RUBCN: variants seen among roughly 807,000 people sequenced by gnomAD.
RUBCN encodes the protein run domain Beclin-1-interacting and cysteine-rich domain-containing protein.
A neutral mutation model predicts 113.2 loss-of-function variants in RUBCN; 74 were observed. The observed-to-expected ratio is 0.65, with a 90% CI of 0.54 to 0.79. The LOEUF (loss-of-function observed/expected upper bound fraction) is 0.79. RUBCN is among the 30% of genes least tolerant of loss of function. The probability of loss-of-function intolerance (pLI) is 0.00; values close to 1 mark genes in which losing one functional copy is unlikely to be tolerated. For missense variants in RUBCN, 1,109 were observed against 1,251.7 expected, an observed-to-expected ratio of 0.89 and a Z score of 1.72; for synonymous variants, 480 against 490.0, an observed-to-expected ratio of 0.98 and a Z score of 0.27.
At chr3:197,695,453 T>C (rs112724377) in intron 9 of RUBCN, among the ~76,000 whole-genome samples, 1 of 152,080 alleles carries the variant, frequency 6.6e-6, no homozygotes, top group South Asian at 2.1e-4. Context: ...ATAAAAAAAA[T>C]AGCCAGGTGT....
At chr3:197,732,245 G>C (rs1560473784) in intron 1 of RUBCN, among the ~76,000 whole-genome samples, 1 of 152,210 alleles carries the variant, frequency 6.6e-6, no homozygotes. Flanking sequence ...ACAGTACACT[G>C]CATGGCCAAG....
At position 197,674,897 on chromosome 3, in the gene RUBCN, AT is replaced by A; in HGVS notation, c.*120del. Reference sequence around the variant, plus strand: ...CAAGTCAGTAAAAAAAAAAAAAAAGATGATGATAATTAAAAAAAAAAAAAAA... The same window carrying A: ...CAAGTCAGTAAAAAAAAAAAAAAAGAGATGATAATTAAAAAAAAAAAAAAA... On this transcript the variant is annotated 3_prime_UTR_variant, in exon 20 of 20. Transcript: ENST00000296343. 1 of 721,172 alleles carries A rather than the reference AT, an allele frequency of 1.4e-6. No homozygotes were observed. The highest frequency in any genetic ancestry group is 2.2e-5 in the South Asian group (1 of 45,452). The allele number at this position is 721,172 out of a possible 1,614,324, so 44.7% of individuals were successfully genotyped here. A position where few individuals can be genotyped will look rare whatever the true frequency, so the allele number is the denominator to read the frequency against.
intron 2 of RUBCN, among the ~76,000 whole-genome samples, chr3:197,716,277 G>A (rs938327295): frequency 1.6e-4 from 24 of 152,150 alleles, no homozygotes; most frequent in African/African-American, 4.6e-4. Flanking sequence ...ACAGGTGCGC[G>A]CCACCACGCC....
chr3:197,688,610 G>A (rs1251777264), intron 11 of RUBCN, among the ~76,000 whole-genome samples: 6 of 152,122 alleles, frequency 3.9e-5, no homozygotes, highest in African/African-American at 1.4e-4. Flanking sequence ...GGAAGATAAA[G>A]AAAAATTGAT....
chr3:197,740,140 CTTTAAAGCCA>C (rs1003976654), upstream of RUBCN, among the ~76,000 whole-genome samples: 5 of 152,188 alleles, frequency 3.3e-5, no homozygotes, highest in Admixed American at 1.3e-4. Flanking sequence ...ACTGGATTTT[CTTTAAAGCCA>C]TTAATAAACA....
rs370267400 is a variant in RUBCN, at chr3:197,731,596, C to T, written c.65+5059G>A. On this transcript the variant is annotated intron_variant, in intron 1 of 19. Transcript: ENST00000296343. ...CCGGGCAGAGGCGCCCCTCACCTCC[C>T]GGATGGGGCGGCTGGCCGGGCGGGG... Among the ~76,000 whole-genome samples the T allele has an allele frequency of 4.8e-4, 72 of 151,330 alleles. No individual in the cohort carries two copies. In the East Asian group the frequency reaches 1.0e-2, roughly 21 times the overall value.
chr3:197,731,451 C>A (rs920079026), intron 1 of RUBCN, among the ~76,000 whole-genome samples: 1 of 152,270 alleles, frequency 6.6e-6, no homozygotes, highest in East Asian at 1.9e-4. Context: ...ACCTTTCCCC[C>A]GTTTCTATTC....
chr3:197,694,880 C>T (rs372389910), intron 9 of RUBCN, among the ~76,000 whole-genome samples: 11 of 152,142 alleles, frequency 7.2e-5, no homozygotes, highest in South Asian at 2.1e-4. Context: ...CACCTGTACA[C>T]AAAATATTAA....
In RUBCN at chr3:197,697,055, G is replaced by C. The variant is rs753603561; in HGVS notation, c.1262-6C>G. The C allele has an allele frequency of 2.0e-6, 3 of 1,473,244 alleles. No individual in the cohort carries two copies. Among genetic ancestry groups the C allele is most frequent in the Non-Finnish European group, 2.9e-6 (3 of 1,051,954 alleles). The allele number at this position is 1,473,244 out of a possible 1,614,324, so 91.3% of individuals were successfully genotyped here. On this transcript the variant is annotated splice_polypyrimidine_tract_variant and splice_region_variant and intron_variant, in intron 7 of 19. Transcript: ENST00000296343. ...CGCCTTATCATTGCAGGATTCTAAT[G>C]ACGATGACCACCAGCGAGTAAAAAC...
chr3:197,694,627 A>C, intron 9 of RUBCN, 42 bp from the exon 10 acceptor site: 1 of 1,501,586 alleles, frequency 6.7e-7, no homozygotes, highest in South Asian at 1.1e-5. Context: ...GGTTAGAAGT[A>C]TTGAATGACA....
intron 1 of RUBCN, among the ~76,000 whole-genome samples, chr3:197,725,520 C>CTTTTTTTTTTTTTTTTTTTTTTTT (rs10718685): frequency 2.7e-5 from 2 of 75,316 alleles, no homozygotes; most frequent in African/African-American, 4.8e-5. Context: ...ACAGGAGAAT[C>CTTTTTTTTTTTTTTTTTTTTTTTT]TTTTTTTTTT....
At chr3:197,698,001 T>C (rs1015952709) in intron 7 of RUBCN, among the ~76,000 whole-genome samples, 27 of 152,306 alleles carry the variant, frequency 1.8e-4, no homozygotes, top group African/African-American at 6.5e-4. Flanking sequence ...GACAAACTAG[T>C]AGTCGCCACG....
chr3:197,707,499 T>C (rs1724450215), intron 2 of RUBCN, among the ~76,000 whole-genome samples: 1 of 152,178 alleles, frequency 6.6e-6, no homozygotes, highest in Admixed American at 6.6e-5. Flanking sequence ...TAGACCAATT[T>C]AGGCATTCTC....
At chr3:197,686,452 G>T (rs1321874202) in intron 11 of RUBCN, among the ~76,000 whole-genome samples, 2 of 152,322 alleles carry the variant, frequency 1.3e-5, no homozygotes, top group Admixed American at 1.3e-4. Context: ...GGACTGGAGG[G>T]AGAGAAGCAC....
chr3:197,713,276 T>C (rs1725156307), intron 2 of RUBCN, among the ~76,000 whole-genome samples: 1 of 152,234 alleles, frequency 6.6e-6, no homozygotes, highest in Admixed American at 6.5e-5. Flanking sequence ...CAGGCACAGA[T>C]AGTGAAACTG....
At chr3:197,703,201 G>T (rs538760003) in intron 5 of RUBCN, among the ~76,000 whole-genome samples, 1 of 151,402 alleles carries the variant, frequency 6.6e-6, no homozygotes, top group Non-Finnish European at 1.5e-5. Flanking sequence ...GATCGAGACC[G>T]TCCTGGCCAA....
chr3:197,727,383 T>C (rs1726881922), intron 1 of RUBCN, among the ~76,000 whole-genome samples: 1 of 152,226 alleles, frequency 6.6e-6, no homozygotes, highest in African/African-American at 2.4e-5. Context: ...AATAATATTC[T>C]CTTTTCTCTG....
At chr3:197,713,950 G>A (rs899884576) in intron 2 of RUBCN, among the ~76,000 whole-genome samples, 42 of 151,878 alleles carry the variant, frequency 2.8e-4, no homozygotes, top group Admixed American at 1.2e-3. Flanking sequence ...GGTGGCGGGC[G>A]CTGTAGTCCC....
chr3:197,741,634 CA>C (rs775195086), upstream of RUBCN, among the ~76,000 whole-genome samples: 3 of 151,992 alleles, frequency 2.0e-5, no homozygotes, highest in Non-Finnish European at 4.4e-5. Context: ...AGTTCAAGAA[CA>C]GCCTGGCTAA....
Sources: gnomAD v4.1 joint callset for allele counts (sites outside exome capture counted in the v4.1 genomes callset) on GRCh38, gnomAD v4.1.1 for gene constraint, MANE v1.5 for transcripts, NCBI Gene and HGNC (gene_info 2026-07-23, HGNC 2026-07-21) for gene names.